GPATCH1: variants seen among roughly 807,000 people sequenced by gnomAD.
GPATCH1 encodes the protein G patch domain-containing protein 1.
In GPATCH1, 73 loss-of-function variants were observed where a neutral mutation model predicts 114.9. The ratio of observed to expected loss-of-function variants is 0.64; its 90% CI spans 0.53 to 0.77. GPATCH1 has a LOEUF of 0.77. Ranked by LOEUF, GPATCH1 falls within the 30% of genes least tolerant of loss-of-function variation. The pLI is 0.00. For synonymous variants in GPATCH1, 391 were observed against 428.4 expected (o/e 0.91, Z 1.08); for missense variants, 1,058 against 1,144.3 (o/e 0.92, Z 1.09).
chr19:33,127,867 C>T (rs1202882461), intron 19 of GPATCH1, among the ~76,000 whole-genome samples: 1 of 151,910 alleles, frequency 6.6e-6, no homozygotes, highest in African/African-American at 2.4e-5. Flanking sequence ...CGCCCCCACA[C>T]CCAGCTAATT....
At chr19:33,119,220 T>C (rs1972949650) in intron 17 of GPATCH1, 103 bp downstream of exon 17, 1 of 571,744 alleles carries the variant, frequency 1.7e-6, no homozygotes. Context: ...TGCTTGCTTC[T>C]GGTTTATATG....
At chr19:33,103,332 A>C (rs1237618012) in intron 9 of GPATCH1, among the ~76,000 whole-genome samples, 3 of 152,226 alleles carry the variant, frequency 2.0e-5, no homozygotes, top group Admixed American at 2.0e-4. Context: ...AGTGTCGGGC[A>C]TACAGTAAGC....
intron 1 of GPATCH1, among the ~76,000 whole-genome samples, chr19:33,086,564 C>T (rs1972536354): frequency 6.6e-6 from 1 of 152,066 alleles, no homozygotes; most frequent in Non-Finnish European, 1.5e-5. Context: ...CTCCTAGGTT[C>T]AAGCGATTCA....
chr19:33,117,759 C>A, intron 15 of GPATCH1, 66 bp from the exon 16 acceptor site: 1 of 1,133,230 alleles, frequency 8.8e-7, no homozygotes, highest in Non-Finnish European at 1.3e-6. Context: ...GGAGTGTATT[C>A]TAGAATGTCT....
rs1488016073 is a variant in GPATCH1, at chr19:33,130,418, G to T, written c.*258G>T. 1.1e-5 allele frequency: 4 copies of T among 365,830 alleles called. No homozygotes were observed. In the South Asian group the frequency reaches 4.1e-4, roughly 38 times the overall value. The allele number at this position is 365,830 out of a possible 1,614,324, so 22.7% of individuals were successfully genotyped here. A position where few individuals can be genotyped will look rare whatever the true frequency, so the allele number is the denominator to read the frequency against. On this transcript the variant is annotated 3_prime_UTR_variant, in exon 20 of 20. Transcript: ENST00000170564. ...AGTGGAATTTTTCTATTTTCTTCTT[G>T]ATTTTTAAAAAATTTCCTGGGACGT...
At chr19:33,123,974 C>T (rs1293330388) in intron 17 of GPATCH1, among the ~76,000 whole-genome samples, 3 of 151,988 alleles carry the variant, frequency 2.0e-5, no homozygotes, top group Admixed American at 6.6e-5. Context: ...CTGCCTCAGC[C>T]TCCTGAGTAG....
In GPATCH1 at chr19:33,114,273, TG is replaced by T. The variant is rs1451234335; in HGVS notation, c.2053del (p.Asp685IlefsTer16). 1 of 1,611,344 alleles carries T rather than the reference TG, an allele frequency of 6.2e-7. No homozygotes were observed. The highest frequency in any genetic ancestry group is 1.7e-5 in the Admixed American group (1 of 58,880). ...GPDKSRKPSR[W>X]DTSKHEKKED... ...TTCAGAATCAAGAAAACCATCCAGA[TG>T]GGATACCTCTAAACACGAAAAGAAA... On this transcript the variant is annotated frameshift_variant, in exon 15 of 20. Coordinates refer to ENST00000170564, the MANE Select transcript of GPATCH1 (RefSeq NM_018025.3). LOFTEE classifies it high-confidence loss of function.
Position 33,101,584 on chromosome 19 carries a change from AC to A in GPATCH1, c.1080+11del. ...TTTATCTTCTAAGAAAGTAAGAAAA[AC>A]TTTTTTTCTTTCTTTTTTTACTGGT... On this transcript the variant is annotated intron_variant, in intron 9 of 19. Coordinates refer to ENST00000170564, the MANE Select transcript of GPATCH1 (RefSeq NM_018025.3). The A allele has an allele frequency of 7.0e-7, 1 of 1,428,776 alleles. No individual in the cohort carries two copies. The highest frequency in any genetic ancestry group is 9.8e-7 in the Non-Finnish European group (1 of 1,019,178). The allele number at this position is 1,428,776 out of a possible 1,614,324, so 88.5% of individuals were successfully genotyped here.
intron 19 of GPATCH1, among the ~76,000 whole-genome samples, chr19:33,127,527 A>T (rs2145344189): frequency 6.6e-6 from 1 of 151,958 alleles, no homozygotes; most frequent in East Asian, 1.9e-4. Flanking sequence ...AATAAAAAAA[A>T]AAAAAAAAAG....
chr19:33,117,515 C>T (rs766025992), intron 15 of GPATCH1, among the ~76,000 whole-genome samples: 12 of 152,050 alleles, frequency 7.9e-5, no homozygotes, highest in African/African-American at 1.7e-4. Context: ...AGGATGGTCT[C>T]GATCTCCTGA....
chr19:33,109,833 A>G lies in GPATCH1; in HGVS notation c.1402A>G (p.Asn468Asp). The change falls in exon 11 of 20, where the codon AAC becomes GAC. Residue 468 changes from asparagine to aspartate, a missense_variant. Coordinates refer to ENST00000170564, the MANE Select transcript of GPATCH1 (RefSeq NM_018025.3). ...GCTCAAGGCCAGGAGTCTGGCCCAG[A>G]ACGCTCAGAGCAGCAGAGCCCAGCT... ...AQLKARSLAQ[N>D]AQSSRAQLSP... 1 of 1,614,072 alleles carries G rather than the reference A, an allele frequency of 6.2e-7. No homozygotes were observed. The highest frequency in any genetic ancestry group is 2.2e-5 in the East Asian group (1 of 44,882).
intron 5 of GPATCH1, among the ~76,000 whole-genome samples, chr19:33,094,676 A>C (rs1447799763): frequency 6.6e-6 from 1 of 152,080 alleles, no homozygotes; most frequent in Non-Finnish European, 1.5e-5. Flanking sequence ...GTGAGAGTTC[A>C]TGTTTCCTAC....
intron 4 of GPATCH1, 52 bp downstream of exon 4, chr19:33,093,571 G>A: frequency 6.6e-7 from 1 of 1,506,934 alleles, no homozygotes; most frequent in Non-Finnish European, 9.1e-7. Context: ...TTTTGCATAT[G>A]TGTGATTCTC....
In GPATCH1 at chr19:33,111,830, C is replaced by T; in HGVS notation, c.1692C>T (p.Thr564=). The T allele has an allele frequency of 6.2e-7, 1 of 1,614,088 alleles. No individual in the cohort carries two copies. The highest frequency in any genetic ancestry group is 8.5e-7 in the Non-Finnish European group (1 of 1,179,948). The change falls in exon 12 of 20, where the codon ACC becomes ACT. Residue 564 remains threonine (T), a synonymous_variant. Coordinates refer to ENST00000170564, the MANE Select transcript of GPATCH1 (RefSeq NM_018025.3). ...AALLYASSHS[T]LSSRFTHAKE... ...TGCTGTACGCATCTTCCCATTCGAC[C>T]TTGTCCTCCAGGTTCACTCACGCCA...
rs1402141667 is a variant in GPATCH1 at position 33,130,406 on chromosome 19, T to C, written c.*246T>C. 5.2e-6 allele frequency: 2 copies of C among 383,998 alleles called. No homozygotes were observed. Among genetic ancestry groups the C allele is most frequent in the Non-Finnish European group, 4.6e-6 (1 of 218,304 alleles). 23.8% of individuals were successfully genotyped at this position (383,998 alleles called of 1,614,324 possible). On this transcript the variant is annotated 3_prime_UTR_variant, in exon 20 of 20. Transcript: ENST00000170564. ...CAGTTTAATTAAAGTGGAATTTTTC[T>C]ATTTTCTTCTTGATTTTTAAAAAAT...
At chr19:33,082,137 G>GGAA (rs1972485298) in intron 1 of GPATCH1, among the ~76,000 whole-genome samples, 1 of 118,136 alleles carries the variant, frequency 8.5e-6, no homozygotes, top group Non-Finnish European at 1.8e-5. Context: ...AGTGGTGGTG[G>GGAA]TGTGTAGTGG....
At chr19:33,122,035 T>C (rs895668014) in intron 17 of GPATCH1, among the ~76,000 whole-genome samples, 1 of 152,166 alleles carries the variant, frequency 6.6e-6, no homozygotes, top group Non-Finnish European at 1.5e-5. Context: ...TTGTTTTGTT[T>C]TGAGACAGAG....
At chr19:33,115,269 C>T (rs1352797967) in intron 15 of GPATCH1, among the ~76,000 whole-genome samples, 2 of 107,930 alleles carry the variant, frequency 1.9e-5, no homozygotes, top group East Asian at 5.7e-4. Context: ...GAGAAAGGGC[C>T]TTGCTATGTT....
intron 2 of GPATCH1, among the ~76,000 whole-genome samples, chr19:33,089,642 A>T (rs527650138): frequency 2.7e-5 from 4 of 148,806 alleles, no homozygotes; most frequent in Non-Finnish European, 5.9e-5. Context: ...TTTTCCTGAG[A>T]TGTAGTCTCA....
Sources: gnomAD v4.1 joint callset for allele counts (sites outside exome capture counted in the v4.1 genomes callset) on GRCh38, gnomAD v4.1.1 for gene constraint, MANE v1.5 for transcripts, NCBI Gene and HGNC (gene_info 2026-07-23, HGNC 2026-07-21) for gene names.